Variants in LYPLAL1 observed in about 807,000 individuals in gnomAD.
LYPLAL1 encodes the protein lysophospholipase like 1, also known as lysophospholipase-like protein 1.
In LYPLAL1, 23 loss-of-function variants were observed where a neutral mutation model predicts 19.7. That is an observed-to-expected ratio of 1.17 (90% CI 0.84 to 1.65). LYPLAL1 has a LOEUF of 1.65. Ranked by LOEUF, LYPLAL1 falls within the 40% of genes most tolerant of loss-of-function variation. LYPLAL1 has a pLI of 0.00. For missense variants in LYPLAL1, 355 were observed against 279.4 expected (o/e 1.27, Z -1.93); for synonymous variants, 119 against 96.3 (o/e 1.24, Z -1.38).
intron 1 of LYPLAL1, among the ~76,000 whole-genome samples, chr1:219,176,698 A>C (rs1450727599): frequency 1.3e-5 from 2 of 152,180 alleles, no homozygotes; most frequent in Admixed American, 1.3e-4. Flanking sequence ...TAATCACAGA[A>C]GTCTCCTAGA....
the LYPLAL1 span, among the ~76,000 whole-genome samples, chr1:219,426,810 G>A: frequency 6.6e-5 from 10 of 152,276 alleles, no homozygotes; most frequent in African/African-American, 2.4e-4. Context: ...TGTTGGCCAG[G>A]CTGGTCTCGA....
chr1:219,371,619 C>T, the LYPLAL1 span, among the ~76,000 whole-genome samples: 3 of 152,326 alleles, frequency 2.0e-5, no homozygotes, highest in African/African-American at 4.8e-5. Context: ...CAGACTGTAA[C>T]TTACTCTTGT....
the LYPLAL1 span, among the ~76,000 whole-genome samples, chr1:219,252,920 C>T: frequency 1.3e-5 from 2 of 151,906 alleles, no homozygotes; most frequent in Admixed American, 6.6e-5. Flanking sequence ...TCCCAGGCTT[C>T]GTTTGGTTGG....
At chr1:219,247,811 T>A in the LYPLAL1 span, among the ~76,000 whole-genome samples, 1 of 151,440 alleles carries the variant, frequency 6.6e-6, no homozygotes. Context: ...CATGTTAGAC[T>A]TTTTTTTTAT....
At chr1:219,187,225 G>A (rs1270491420) in intron 2 of LYPLAL1, among the ~76,000 whole-genome samples, 1 of 151,292 alleles carries the variant, frequency 6.6e-6, no homozygotes, top group Non-Finnish European at 1.5e-5. Context: ...ACTCAGTTGT[G>A]GTCTATTACA....
chr1:219,245,485 A>G, the LYPLAL1 span, among the ~76,000 whole-genome samples: 2 of 152,208 alleles, frequency 1.3e-5, no homozygotes, highest in African/African-American at 4.8e-5. Flanking sequence ...TGAAATAAGA[A>G]TGATAAATTG....
chr1:219,241,992 C>T, the LYPLAL1 span, among the ~76,000 whole-genome samples: 1 of 152,042 alleles, frequency 6.6e-6, no homozygotes. Flanking sequence ...TTTCTGTGGC[C>T]AGTAAACAGA....
intron 3 of LYPLAL1, among the ~76,000 whole-genome samples, chr1:219,205,886 T>C (rs1439177560): frequency 6.6e-6 from 1 of 152,206 alleles, no homozygotes; most frequent in East Asian, 1.9e-4. Flanking sequence ...TTCTAACAGT[T>C]TTCCATAGAG....
intron 3 of LYPLAL1, among the ~76,000 whole-genome samples, chr1:219,209,792 A>T (rs1316339224): frequency 6.6e-6 from 1 of 152,004 alleles, no homozygotes; most frequent in Non-Finnish European, 1.5e-5. Flanking sequence ...CTATCTCCAT[A>T]TTCTGTGTTG....
intron 1 of LYPLAL1, 192 bp downstream of exon 1, chr1:219,174,173 C>T (rs1334665709): frequency 1.4e-6 from 2 of 1,426,772 alleles, no homozygotes; most frequent in African/African-American, 2.9e-5. Flanking sequence ...TAGTCTTCCT[C>T]TTTCTATCGG....
At chr1:219,300,530 CTT>C in the LYPLAL1 span, among the ~76,000 whole-genome samples, 489 of 82,002 alleles carry the variant, frequency 6.0e-3, 1 homozygote, top group African/African-American at 0.019. Flanking sequence ...TTTATCCTAA[CTT>C]TTTTTTTTTT....
intron 2 of LYPLAL1, among the ~76,000 whole-genome samples, chr1:219,186,898 T>A (rs898782201): frequency 1.3e-5 from 2 of 151,844 alleles, no homozygotes; most frequent in African/African-American, 4.8e-5. Flanking sequence ...CTGCTTTTCA[T>A]TCCTCTGTTT....
the LYPLAL1 span, among the ~76,000 whole-genome samples, chr1:219,306,811 T>TAC: frequency 7.5e-6 from 1 of 132,486 alleles, no homozygotes; most frequent in African/African-American, 3.0e-5. Flanking sequence ...CATAGATAGA[T>TAC]ATAGATAGAT....
At chr1:219,186,961 TA>T (rs1270030414) in intron 2 of LYPLAL1, among the ~76,000 whole-genome samples, 1 of 151,758 alleles carries the variant, frequency 6.6e-6, no homozygotes, top group African/African-American at 2.4e-5. Context: ...CATTTTACTT[TA>T]TTTTTTTTCT....
chr1:219,327,764 T>C, the LYPLAL1 span, among the ~76,000 whole-genome samples: 3 of 152,182 alleles, frequency 2.0e-5, no homozygotes, highest in African/African-American at 4.8e-5. Context: ...TAAATACGTC[T>C]CTTGAGATCT....
chr1:219,177,539 C>G (rs1276339715), intron 1 of LYPLAL1, among the ~76,000 whole-genome samples: 1 of 152,140 alleles, frequency 6.6e-6, no homozygotes, highest in African/African-American at 2.4e-5. Flanking sequence ...ATGCCTGTTG[C>G]TTATGTTTCC....
chr1:219,404,246 A>T, the LYPLAL1 span, among the ~76,000 whole-genome samples: 1 of 152,224 alleles, frequency 6.6e-6, no homozygotes, highest in African/African-American at 2.4e-5. Flanking sequence ...CATCACATTA[A>T]GGGGTTGGGT....
the LYPLAL1 span, among the ~76,000 whole-genome samples, chr1:219,414,327 G>A: frequency 6.6e-6 from 1 of 152,242 alleles, no homozygotes; most frequent in Admixed American, 6.5e-5. Context: ...GGTGACATTA[G>A]GGATAAAGAA....
the LYPLAL1 span, among the ~76,000 whole-genome samples, chr1:219,245,618 T>C: frequency 6.6e-6 from 1 of 152,256 alleles, no homozygotes; most frequent in African/African-American, 2.4e-5. Context: ...AAAGACTTTA[T>C]AATCAAATTT....
Sources: allele counts gnomAD v4.1 joint callset (sites outside exome capture counted in the v4.1 genomes callset), GRCh38; gene constraint gnomAD v4.1.1; transcripts MANE v1.5; gene names NCBI Gene and HGNC (gene_info 2026-07-23, HGNC 2026-07-21).